Variants in DNM3 observed in about 807,000 individuals in gnomAD.
DNM3 encodes the protein dynamin 3, also known as dynamin-3.
In DNM3, 47 loss-of-function variants were observed where a neutral mutation model predicts 101.6. That is an observed-to-expected ratio of 0.46 (90% CI 0.37 to 0.59). The LOEUF is 0.59. Among genes scored for constraint, DNM3 ranks in the 20% least tolerant of loss-of-function variants. The probability of loss-of-function intolerance (pLI) is 0.00; values close to 1 mark genes in which losing one functional copy is unlikely to be tolerated. For synonymous variants in DNM3, 385 were observed against 387.9 expected, an observed-to-expected ratio of 0.99 and a Z score of 0.09; for missense variants, 849 against 1,085.7, an observed-to-expected ratio of 0.78 and a Z score of 3.06.
chr1:172,377,268 C>T (rs1046795597), intron 17 of DNM3, among the ~76,000 whole-genome samples: 4 of 151,586 alleles, frequency 2.6e-5, no homozygotes, highest in Admixed American at 1.3e-4. Flanking sequence ...CGATGATACC[C>T]CTGTCCTAAG....
chr1:171,985,757 AC>A (rs1182082919), intron 2 of DNM3, among the ~76,000 whole-genome samples: 1 of 152,188 alleles, frequency 6.6e-6, no homozygotes, highest in African/African-American at 2.4e-5. Context: ...TAAAGTAGAA[AC>A]TTTTTGGTCC....
At chr1:171,968,357 G>A (rs1055280958) in intron 2 of DNM3, among the ~76,000 whole-genome samples, 1 of 152,006 alleles carries the variant, frequency 6.6e-6, no homozygotes, top group African/African-American at 2.4e-5. Context: ...TCTAGAATCA[G>A]GCAACTCCTC....
intron 13 of DNM3, among the ~76,000 whole-genome samples, chr1:172,096,412 G>T (rs1198096802): frequency 6.6e-6 from 1 of 152,206 alleles, no homozygotes; most frequent in Non-Finnish European, 1.5e-5. Context: ...GAAGGCTGTT[G>T]TGGATGAAAA....
intron 2 of DNM3, among the ~76,000 whole-genome samples, chr1:171,946,630 CTGTA>C (rs2125436416): frequency 6.6e-6 from 1 of 152,164 alleles, no homozygotes; most frequent in East Asian, 1.9e-4. Context: ...ATTTGTGTTG[CTGTA>C]AAGGAATGCT....
At chr1:172,078,638 G>A (rs11591138) in intron 11 of DNM3, among the ~76,000 whole-genome samples, 7,950 of 152,128 alleles carry the variant, frequency 0.052, 292 homozygotes, top group Non-Finnish European at 0.081. Flanking sequence ...GGTTAATATT[G>A]TTATGTGTGA....
intron 14 of DNM3, among the ~76,000 whole-genome samples, chr1:172,147,053 A>G (rs747656549): frequency 6.6e-6 from 1 of 152,142 alleles, no homozygotes; most frequent in Non-Finnish European, 1.5e-5. Flanking sequence ...ATATATGTCC[A>G]TCTCCTTGAG....
chr1:171,853,646 C>T (rs2033242465), intron 1 of DNM3, among the ~76,000 whole-genome samples: 1 of 152,078 alleles, frequency 6.6e-6, no homozygotes, highest in Non-Finnish European at 1.5e-5. Context: ...TTCAAAACAT[C>T]TTTTTGGTCA....
At chr1:172,342,991 T>C (rs1052177421) in intron 17 of DNM3, among the ~76,000 whole-genome samples, 1 of 152,190 alleles carries the variant, frequency 6.6e-6, no homozygotes, top group Non-Finnish European at 1.5e-5. Context: ...AGCAATAAAC[T>C]TGGTTTAATG....
intron 14 of DNM3, among the ~76,000 whole-genome samples, chr1:172,179,259 G>T: frequency 6.6e-6 from 1 of 151,924 alleles, no homozygotes; most frequent in East Asian, 1.9e-4. Flanking sequence ...GTGTTGCAAA[G>T]CTTTTCTGAG....
chr1:172,225,134 C>CTTTTTTTTTTTTTTTTTTTTTT (rs1168334078), intron 14 of DNM3, among the ~76,000 whole-genome samples: 3 of 65,530 alleles, frequency 4.6e-5, no homozygotes, highest in Non-Finnish European at 8.1e-5. Context: ...TCTTCTTCCT[C>CTTTTTTTTTTTTTTTTTTTTTT]TTTTTTTTTT....
At chr1:172,058,897 A>T (rs1349063016) in intron 10 of DNM3, among the ~76,000 whole-genome samples, 1 of 152,192 alleles carries the variant, frequency 6.6e-6, no homozygotes, top group East Asian at 1.9e-4. Context: ...AAAATTAATG[A>T]ATCCAGGAGC....
intron 1 of DNM3, among the ~76,000 whole-genome samples, chr1:171,863,892 C>CT (rs1357980285): frequency 2.0e-5 from 3 of 152,204 alleles, no homozygotes; most frequent in Non-Finnish European, 4.4e-5. Flanking sequence ...TGTTGAAAGA[C>CT]TGGAGATACT....
intron 17 of DNM3, among the ~76,000 whole-genome samples, chr1:172,373,833 G>C (rs1019679858): frequency 1.6e-4 from 24 of 152,006 alleles, no homozygotes; most frequent in African/African-American, 5.1e-4. Context: ...ATAGATCTTT[G>C]TCTAAGCAAT....
At chr1:172,346,085 T>C (rs575492694) in intron 17 of DNM3, among the ~76,000 whole-genome samples, 8 of 135,840 alleles carry the variant, frequency 5.9e-5, no homozygotes, top group Non-Finnish European at 9.1e-5. Context: ...ATCGTGCCAC[T>C]GCATTCCAGC....
chr1:172,326,296 G>C (rs573322121), intron 17 of DNM3, among the ~76,000 whole-genome samples: 177 of 152,030 alleles, frequency 1.2e-3, no homozygotes, highest in African/African-American at 4.0e-3. Flanking sequence ...AAATGTTTTC[G>C]TGTTGGCATA....
At position 172,294,986 on chromosome 1, in the gene DNM3, C is replaced by T. The variant is rs140393579; in HGVS notation, c.1770-13742C>T. Among the ~76,000 whole-genome samples, 13 of 150,902 alleles carry T rather than the reference C, an allele frequency of 8.6e-5. No individual in the cohort carries two copies. The East Asian group carries it at 2.5e-3, about 29-fold the overall frequency. On this transcript the variant is annotated intron_variant, in intron 15 of 20. Coordinates refer to ENST00000627582, the MANE Select transcript of DNM3 (RefSeq NM_015569.5). ...TCTCTATTTATTATTTATTACTATA[C>T]CCCAAAAGTCATACACAACAAAGAT...
At chr1:171,857,739 A>G (rs1204710704) in intron 1 of DNM3, among the ~76,000 whole-genome samples, 3 of 152,192 alleles carry the variant, frequency 2.0e-5, no homozygotes, top group Admixed American at 6.5e-5. Context: ...TTTAGGTACC[A>G]TTATGGACTG....
At chr1:172,294,692 C>T (rs193066327) in intron 15 of DNM3, among the ~76,000 whole-genome samples, 2 of 152,142 alleles carry the variant, frequency 1.3e-5, no homozygotes, top group Middle Eastern at 3.4e-3. Context: ...ACAGGAGGAT[C>T]GTTTGAGCTC....
intron 7 of DNM3, among the ~76,000 whole-genome samples, chr1:172,040,006 G>A (rs1227468175): frequency 6.6e-6 from 1 of 152,186 alleles, no homozygotes; most frequent in Non-Finnish European, 1.5e-5. Flanking sequence ...GCAGTTACAT[G>A]TGAGGAAGGA....
Sources: allele counts gnomAD v4.1 joint callset (sites outside exome capture counted in the v4.1 genomes callset), GRCh38; gene constraint gnomAD v4.1.1; transcripts MANE v1.5; gene names NCBI Gene and HGNC (gene_info 2026-07-23, HGNC 2026-07-21).